Variants in TRIQK observed in about 807,000 individuals in gnomAD.
TRIQK encodes triple QxxK/R motif containing.
Under a neutral mutation model 10.8 loss-of-function variants are expected in TRIQK, and 10 were observed. The ratio of observed to expected loss-of-function variants is 0.92; its 90% confidence interval spans 0.57 to 1.57. The LOEUF is 1.57. TRIQK is among the 40% of genes most tolerant of loss of function. The probability of loss-of-function intolerance (pLI) is 0.00; values close to 1 mark genes in which losing one functional copy is unlikely to be tolerated. For missense variants in TRIQK, 107 were observed against 97.7 expected (o/e 1.09, Z -0.40); for synonymous variants, 33 against 33.7 (o/e 0.98, Z 0.07).
chr8:93,008,613 C>A (rs534261719), intron 1 of TRIQK, among the ~76,000 whole-genome samples: 1 of 152,268 alleles, frequency 6.6e-6, no homozygotes, highest in African/African-American at 2.4e-5. Context: ...ATAGAAACAG[C>A]ACAGTACTGG....
rs144040175 is a variant in TRIQK, at chr8:92,909,863, G to A, written c.61+7066C>T. The stretch of plus-strand genomic sequence containing the variant: ...TGGTTGTATCCAAGGTACCCATGGG[G>A]ATGTAGAGAAGTAAAAGAAAGACAA... On this transcript the variant is annotated intron_variant, in intron 3 of 4. Transcript: ENST00000521988. Among the ~76,000 whole-genome samples, 409 of 151,704 alleles carry A rather than the reference G, an allele frequency of 2.7e-3. 2 individuals carry two copies. Among genetic ancestry groups the A allele is most frequent in the Non-Finnish European group, 4.7e-3 (317 of 67,626 alleles).
intron 2 of TRIQK, among the ~76,000 whole-genome samples, chr8:92,925,195 A>G (rs552383789): frequency 8.4e-4 from 128 of 152,296 alleles, no homozygotes; most frequent in South Asian, 1.7e-3. Flanking sequence ...CATGAAAAAC[A>G]AAACAAACAA....
chr8:92,905,062 G>C (rs1055565517), intron 3 of TRIQK, among the ~76,000 whole-genome samples: 6 of 152,050 alleles, frequency 3.9e-5, no homozygotes, highest in African/African-American at 1.2e-4. Flanking sequence ...TCTTCTACTA[G>C]GTATATGTTG....
chr8:93,001,670 A>T (rs924455431), intron 1 of TRIQK, among the ~76,000 whole-genome samples: 28 of 152,362 alleles, frequency 1.8e-4, no homozygotes, highest in African/African-American at 6.5e-4. Flanking sequence ...GGAGATATAG[A>T]GTGTAATAGA....
rs1284682504 is a variant in TRIQK, at chr8:92,885,425, C to T, written c.*1197G>A. The T allele has an allele frequency of 1.3e-5, 2 of 157,702 alleles. No homozygotes were observed. The highest frequency in any genetic ancestry group is 2.4e-5 in the African/African-American group (1 of 41,376). 9.8% of individuals were successfully genotyped at this position (157,702 alleles called of 1,614,324 possible). A position where few individuals can be genotyped will look rare whatever the true frequency, so the allele number is the denominator to read the frequency against. On this transcript the variant is annotated 3_prime_UTR_variant, in exon 5 of 5. Transcript: ENST00000521988. ...TTTGTGCACATGTTTCCAACAATTTCATTTTCTATGCATCTTTACATAAGG... is the reference window on the plus strand; with the variant it reads ...TTTGTGCACATGTTTCCAACAATTTTATTTTCTATGCATCTTTACATAAGG...
intron 1 of TRIQK, among the ~76,000 whole-genome samples, chr8:92,987,549 A>T (rs868242360): frequency 4.6e-5 from 7 of 152,220 alleles, no homozygotes; most frequent in Non-Finnish European, 7.3e-5. Context: ...TTTGAATACT[A>T]GCAGTCTTAA....
intron 2 of TRIQK, chr8:92,921,644 T>G (rs1434623445): frequency 6.6e-6 from 1 of 151,846 alleles, no homozygotes; most frequent in African/African-American, 2.4e-5. Flanking sequence ...ACCAACTTGT[T>G]TTTCTGTTTC....
chr8:93,015,227 C>T lies in TRIQK; in HGVS notation c.-181+2382G>A, dbSNP rs142980327. On this transcript the variant is annotated intron_variant, in intron 1 of 4. Coordinates refer to the TRIQK transcript ENST00000520686. ...TTACTTAGATGCTTTTCAAAAAGTA[C>T]TTTACATTATTTTAAAATTTCTTTA... Among the ~76,000 whole-genome samples the T allele has an allele frequency of 2.2e-3, 339 of 151,858 alleles. 2 individuals are homozygous for T. Among genetic ancestry groups the T allele is most frequent in the African/African-American group, 7.7e-3 (318 of 41,496 alleles).
chr8:92,950,881 T>G (rs1412733192), intron 2 of TRIQK, among the ~76,000 whole-genome samples: 2 of 152,150 alleles, frequency 1.3e-5, no homozygotes, highest in East Asian at 3.9e-4. Flanking sequence ...AGTATAACAT[T>G]ATACAGGTCT....
intron 2 of TRIQK, among the ~76,000 whole-genome samples, chr8:92,941,730 T>G (rs78799816): frequency 6.6e-6 from 1 of 151,978 alleles, no homozygotes; most frequent in Non-Finnish European, 1.5e-5. Context: ...CTCAAATAAA[T>G]TAATGATGGA....
intron 2 of TRIQK, among the ~76,000 whole-genome samples, chr8:92,935,597 A>C (rs922376615): frequency 1.3e-5 from 2 of 151,668 alleles, no homozygotes; most frequent in African/African-American, 4.8e-5. Flanking sequence ...AAAGTCATAA[A>C]CTAAAAGCAA....
At chr8:92,973,943 C>T (rs535160002) in intron 1 of TRIQK, 2 of 152,700 alleles carry the variant, frequency 1.3e-5, no homozygotes, top group East Asian at 1.9e-4. Flanking sequence ...TCCTCCATAT[C>T]CTGCTGCTGG....
chr8:92,961,135 A>C (rs913894539), intron 1 of TRIQK, among the ~76,000 whole-genome samples: 7 of 151,996 alleles, frequency 4.6e-5, no homozygotes, highest in African/African-American at 1.5e-4. Context: ...TCTACTGATA[A>C]CCTCTGCCTT....
At chr8:92,897,486 T>A (rs1330998749) in intron 3 of TRIQK, among the ~76,000 whole-genome samples, 4 of 152,192 alleles carry the variant, frequency 2.6e-5, no homozygotes, top group Admixed American at 2.6e-4. Context: ...AATGAATTAG[T>A]TATCACAGGA....
chr8:92,925,941 A>C (rs1188251989), intron 2 of TRIQK, among the ~76,000 whole-genome samples: 1 of 152,140 alleles, frequency 6.6e-6, no homozygotes, highest in Non-Finnish European at 1.5e-5. Flanking sequence ...AATTGGGGGC[A>C]TGGTGGCGGG....
intron 1 of TRIQK, among the ~76,000 whole-genome samples, chr8:92,995,976 A>C (rs1813150752): frequency 6.6e-6 from 1 of 152,088 alleles, no homozygotes; most frequent in Non-Finnish European, 1.5e-5. Flanking sequence ...TGAGAAAGTG[A>C]TATGTAACTA....
intron 2 of TRIQK, among the ~76,000 whole-genome samples, chr8:92,941,457 A>G (rs923182014): frequency 6.6e-6 from 1 of 152,178 alleles, no homozygotes; most frequent in Non-Finnish European, 1.5e-5. Flanking sequence ...GTTCTAAGAA[A>G]TAAGTTTAGA....
intron 1 of TRIQK, among the ~76,000 whole-genome samples, chr8:92,981,220 C>G (rs1029590916): frequency 6.6e-5 from 10 of 151,492 alleles, no homozygotes; most frequent in African/African-American, 2.4e-4. Context: ...GTGAATAAAG[C>G]CTGTTCGTGA....
chr8:93,001,932 T>A (rs1380502659), intron 1 of TRIQK, among the ~76,000 whole-genome samples: 2 of 152,224 alleles, frequency 1.3e-5, no homozygotes, highest in Non-Finnish European at 2.9e-5. Context: ...ATATTGATGA[T>A]CTTTTCTGGC....
Sources: gnomAD v4.1 joint callset for allele counts (sites outside exome capture counted in the v4.1 genomes callset) on GRCh38, gnomAD v4.1.1 for gene constraint, MANE v1.5 for transcripts, NCBI Gene and HGNC (gene_info 2026-07-23, HGNC 2026-07-21) for gene names.